PIK3C2G: variants seen among roughly 807,000 people sequenced by gnomAD.
PIK3C2G encodes phosphatidylinositol 3-kinase C2 domain-containing subunit gamma.
Under a neutral mutation model 181.1 loss-of-function variants are expected in PIK3C2G, and 168 were observed. The observed-to-expected ratio is 0.93, with a 90% CI of 0.82 to 1.05. PIK3C2G has a LOEUF of 1.05. Among genes scored for constraint, PIK3C2G ranks in the 50% least tolerant of loss-of-function variants. The pLI, the probability that PIK3C2G is intolerant of heterozygous loss-of-function variation, is 0.00. For synonymous variants in PIK3C2G, 573 were observed against 592.2 expected, an observed-to-expected ratio of 0.97 and a Z score of 0.47; for missense variants, 1,869 against 1,732.8, an observed-to-expected ratio of 1.08 and a Z score of -1.40.
the PIK3C2G span, among the ~76,000 whole-genome samples, chr12:18,697,594 TAGG>T: frequency 1.3e-5 from 2 of 152,110 alleles, no homozygotes; most frequent in African/African-American, 2.4e-5. Flanking sequence ...TACTGTAAAA[TAGG>T]AGGACATCAA....
At chr12:18,538,574 T>C (rs1943988687) in intron 25 of PIK3C2G, among the ~76,000 whole-genome samples, 1 of 152,020 alleles carries the variant, frequency 6.6e-6, no homozygotes, top group Admixed American at 6.6e-5. Flanking sequence ...TTTTGACTAA[T>C]GTTCAAGGAC....
At chr12:18,411,940 A>AG (rs1378817104) in intron 16 of PIK3C2G, among the ~76,000 whole-genome samples, 3 of 152,202 alleles carry the variant, frequency 2.0e-5, no homozygotes, top group Admixed American at 6.5e-5. Flanking sequence ...AGTGAAAAAA[A>AG]CAATAAGGGG....
At chr12:18,343,258 A>G (rs770470444) in intron 9 of PIK3C2G, 69 bp from the exon 10 acceptor site, 184 of 782,034 alleles carry the variant, frequency 2.4e-4, no homozygotes, top group Admixed American at 3.7e-4. Context: ...TAGATTTTGG[A>G]CATTACTATT....
At chr12:18,592,993 A>C (rs541222808) in intron 29 of PIK3C2G, among the ~76,000 whole-genome samples, 48 of 151,964 alleles carry the variant, frequency 3.2e-4, no homozygotes, top group Non-Finnish European at 6.0e-4. Flanking sequence ...AGATGTCTGT[A>C]GGGTTGGTTC....
intron 1 of PIK3C2G, among the ~76,000 whole-genome samples, chr12:18,277,821 C>T (rs186282400): frequency 1.0e-3 from 156 of 152,148 alleles, no homozygotes; most frequent in Middle Eastern, 3.4e-3. Context: ...TGATAGGTGT[C>T]GAAATTTTGT....
chr12:18,574,093 A>G (rs1219938352), intron 29 of PIK3C2G, among the ~76,000 whole-genome samples: 1 of 152,200 alleles, frequency 6.6e-6, no homozygotes, highest in Non-Finnish European at 1.5e-5. Context: ...TCATATCATC[A>G]TCCTGTATGA....
At chr12:18,370,528 CT>C (rs1399600212) in intron 12 of PIK3C2G, among the ~76,000 whole-genome samples, 3 of 152,166 alleles carry the variant, frequency 2.0e-5, no homozygotes, top group Non-Finnish European at 4.4e-5. Context: ...ACTCTCTACA[CT>C]TTGGCTGTTA....
At chr12:18,519,689 T>G (rs576288724) in intron 24 of PIK3C2G, among the ~76,000 whole-genome samples, 2 of 152,168 alleles carry the variant, frequency 1.3e-5, no homozygotes, top group Admixed American at 1.3e-4. Context: ...GTGTGTGTCT[T>G]TTAGTTGGGA....
intron 29 of PIK3C2G, among the ~76,000 whole-genome samples, chr12:18,583,288 G>A (rs1404449861): frequency 1.3e-5 from 2 of 152,228 alleles, no homozygotes; most frequent in South Asian, 2.1e-4. Flanking sequence ...TGTAGGTGCT[G>A]AAAAATCCAA....
intron 11 of PIK3C2G, among the ~76,000 whole-genome samples, chr12:18,361,753 T>G (rs1941255714): frequency 6.6e-6 from 1 of 152,196 alleles, no homozygotes; most frequent in Non-Finnish European, 1.5e-5. Flanking sequence ...CAGATCTTTT[T>G]GTTTTCAGTA....
At chr12:18,563,181 C>G (rs759860650) in intron 27 of PIK3C2G, among the ~76,000 whole-genome samples, 196 bp from the exon 28 acceptor site, 1 of 152,090 alleles carries the variant, frequency 6.6e-6, no homozygotes, top group South Asian at 2.1e-4. Context: ...GCAATCTGTT[C>G]CTAGCACATA....
At chr12:18,362,674 T>G in intron 11 of PIK3C2G, 90 bp from the exon 12 acceptor site, 2 of 921,098 alleles carry the variant, frequency 2.2e-6, no homozygotes, top group Non-Finnish European at 3.1e-6. Flanking sequence ...CTTTATCATT[T>G]GACTTTTGAC....
At chr12:18,367,591 G>T (rs1292504214) in intron 12 of PIK3C2G, among the ~76,000 whole-genome samples, 1 of 151,930 alleles carries the variant, frequency 6.6e-6, no homozygotes, top group African/African-American at 2.4e-5. Context: ...TTTCACTCTT[G>T]TTGCCCAGGC....
chr12:18,437,273 T>C (rs1359159677), intron 18 of PIK3C2G, among the ~76,000 whole-genome samples: 1 of 151,998 alleles, frequency 6.6e-6, no homozygotes, highest in Admixed American at 6.6e-5. Flanking sequence ...TTGTATACAA[T>C]TAATATTTAT....
At chr12:18,266,377 A>G (rs906025595) in intron 1 of PIK3C2G, among the ~76,000 whole-genome samples, 2 of 152,198 alleles carry the variant, frequency 1.3e-5, no homozygotes, top group Non-Finnish European at 2.9e-5. Flanking sequence ...CTTGTAAGAC[A>G]GAACACTTAA....
chr12:18,527,761 C>T (rs577117083), intron 24 of PIK3C2G, among the ~76,000 whole-genome samples: 3 of 152,034 alleles, frequency 2.0e-5, no homozygotes, highest in African/African-American at 7.2e-5. Context: ...AATTCAGACA[C>T]AATATATTAT....
chr12:18,619,269 G>A (rs376043860), intron 31 of PIK3C2G, among the ~76,000 whole-genome samples: 3 of 151,768 alleles, frequency 2.0e-5, no homozygotes, highest in African/African-American at 4.8e-5. Context: ...TTAAAATGTC[G>A]GCAAAAATGG....
intron 14 of PIK3C2G, 71 bp downstream of exon 14, chr12:18,381,951 T>C (rs978634494): frequency 1.3e-5 from 12 of 916,188 alleles, no homozygotes; most frequent in African/African-American, 4.9e-5. Flanking sequence ...TTGTCAATTA[T>C]AGAAACAATT....
At chr12:18,693,550 G>C in the PIK3C2G span, 1 of 1,608,504 alleles carries the variant, frequency 6.2e-7, no homozygotes, top group Non-Finnish European at 8.5e-7. Context: ...TTATTCAGAA[G>C]TACCTAGGTG....
Sources: allele counts gnomAD v4.1 joint callset (sites outside exome capture counted in the v4.1 genomes callset), GRCh38; gene constraint gnomAD v4.1.1; transcripts MANE v1.5; gene names NCBI Gene and HGNC (gene_info 2026-07-23, HGNC 2026-07-21).